AGAP1: variants seen among roughly 807,000 people sequenced by gnomAD.
AGAP1 encodes the protein arf-GAP with GTPase, ANK repeat and PH domain-containing protein 1.
AGAP1 carries 29 observed loss-of-function variants against 105.3 expected under a neutral mutation model. The ratio of observed to expected loss-of-function variants is 0.28; its 90% CI spans 0.21 to 0.38. The LOEUF (loss-of-function observed/expected upper bound fraction) is 0.38, where lower values mean the gene tolerates loss of function less well. Among genes scored for constraint, AGAP1 ranks in the 10% least tolerant of loss-of-function variants. The pLI is 1.00. For synonymous variants in AGAP1, 509 were observed against 485.9 expected, an observed-to-expected ratio of 1.05 and a Z score of -0.63; for missense variants, 998 against 1,165.1, an observed-to-expected ratio of 0.86 and a Z score of 2.09.
At position 235,908,662 on chromosome 2, in the gene AGAP1, T is replaced by G; in HGVS notation, c.1156-76T>G. 1.4e-6 allele frequency: 2 copies of G among 1,389,604 alleles called. No individual in the cohort carries two copies. The highest frequency in any genetic ancestry group is 2.0e-6 in the Non-Finnish European group (2 of 1,020,754). The allele number at this position is 1,389,604 out of a possible 1,614,324, so 86.1% of individuals were successfully genotyped here. A position where few individuals can be genotyped will look rare whatever the true frequency, so the allele number is the denominator to read the frequency against. On this transcript the variant is annotated intron_variant, in intron 10 of 17. Transcript: ENST00000304032. This position sits in a 1 kb window ranked among gnomAD's most constrained non-coding sequence, Gnocchi z 4.4. ...TAGGGTTTTAACTCATGACGTCTGA[T>G]AGACCCTTTTGTTCTAGGTTGTAAA... is the stretch of plus-strand genomic sequence containing the variant.
rs1299680338 is a variant in AGAP1 at position 235,799,370 on chromosome 2, A to G, written c.805A>G (p.Ser269Gly). 6.2e-7 allele frequency: 1 copy of G among 1,613,950 alleles called. No individual in the cohort carries two copies. Among genetic ancestry groups the G allele is most frequent in the Admixed American group, 1.7e-5 (1 of 59,996 alleles). ...CCTTGGATTTTAATCATTTCAGACA[A>G]GTAATGGAGGTGGGAGTTTAAGCGA... ...QVSAVHISQTSNGGGSLSDYS... is the reference protein window; with the variant it reads ...QVSAVHISQTGNGGGSLSDYS... The change falls in exon 8 of 18, where the codon AGT becomes GGT. Residue 269 changes from serine to glycine, a missense_variant. Ser to Gly is a moderately conservative substitution (Grantham distance 56). Coordinates refer to ENST00000304032, the MANE Select transcript of AGAP1 (RefSeq NM_001037131.3). This position sits in a 1 kb window ranked among gnomAD's most constrained non-coding sequence, Gnocchi z 5.0.
At chr2:235,956,666 C>A (rs929078528) in intron 12 of AGAP1, among the ~76,000 whole-genome samples, 6 of 152,194 alleles carry the variant, frequency 3.9e-5, no homozygotes, top group African/African-American at 1.4e-4. Context: ...GGCTGTCCCA[C>A]CTGTGGTCAG....
At chr2:235,718,497 A>G (rs1048393298) in intron 3 of AGAP1, 4 of 711,546 alleles carry the variant, frequency 5.6e-6, no homozygotes, top group Non-Finnish European at 6.9e-6. Flanking sequence ...TCTGTGTACC[A>G]TCCTGTTTTG....
At chr2:236,049,896 A>G (rs10194403) in intron 16 of AGAP1, 87,599 of 152,232 alleles carry the variant, frequency 0.58, 28,236 homozygotes, top group African/African-American at 0.88. Flanking sequence ...TTGAGTACAC[A>G]TGCATATTTA....
rs111472827 is a variant in AGAP1, at chr2:236,029,621, G to A, written c.1646-6940G>A. Among the ~76,000 whole-genome samples, 917 of 152,124 alleles carry A rather than the reference G, an allele frequency of 6.0e-3. 6 individuals are homozygous for A. The highest frequency in any genetic ancestry group is 0.01 in the Middle Eastern group (3 of 294). On this transcript the variant is annotated intron_variant, in intron 13 of 17. Transcript: ENST00000304032. ...TCATTTAGTAATTTCCCTAGTGGACGTCTATTGGTAATAAGCACTTTTGGG... is the reference window on the plus strand; with the variant it reads ...TCATTTAGTAATTTCCCTAGTGGACATCTATTGGTAATAAGCACTTTTGGG...
chr2:235,738,060 C>T (rs540196392), intron 3 of AGAP1, among the ~76,000 whole-genome samples: 32 of 151,892 alleles, frequency 2.1e-4, no homozygotes, highest in Non-Finnish European at 3.1e-4. Context: ...AGGGTCGGGA[C>T]GGTGTGGCGG....
At chr2:235,567,917 A>G (rs1944399103) in intron 1 of AGAP1, among the ~76,000 whole-genome samples, 1 of 152,172 alleles carries the variant, frequency 6.6e-6, no homozygotes, top group Admixed American at 6.5e-5. Context: ...AGGGCTGTGC[A>G]CTAGAGGATG....
chr2:235,827,071 T>G (rs1959111485), intron 9 of AGAP1, among the ~76,000 whole-genome samples: 1 of 152,192 alleles, frequency 6.6e-6, no homozygotes, highest in Non-Finnish European at 1.5e-5. Context: ...GGGTTTGTAG[T>G]GCGGCTTGTG....
In AGAP1 at chr2:235,801,732, A is replaced by AG. The variant is rs1957504983; in HGVS notation, c.957+2214dup. Among the ~76,000 whole-genome samples, 1 of 151,696 alleles carries AG rather than the reference A, an allele frequency of 6.6e-6. No individual in the cohort carries two copies. The highest frequency in any genetic ancestry group is 6.6e-5 in the Admixed American group (1 of 15,248). On this transcript the variant is annotated intron_variant, in intron 8 of 17. Transcript: ENST00000304032. The surrounding 1 kb of genome is among the most constrained non-coding windows in gnomAD (Gnocchi z 6.0). ...GGCAGGCGGCCTGTGCCCCGGGAGG[A>AG]GGGGCGGGCTTGTCATCGTGGTGGT... is the stretch of plus-strand genomic sequence containing the variant.
chr2:235,881,901 T>G (rs1444839901), intron 9 of AGAP1, among the ~76,000 whole-genome samples: 2 of 152,244 alleles, frequency 1.3e-5, no homozygotes, highest in Non-Finnish European at 2.9e-5. Context: ...ATGGGATTCA[T>G]CTATTAAATA....
In AGAP1 at chr2:235,717,563, G is replaced by A; in HGVS notation, c.229G>A (p.Val77Met). The change falls in exon 3 of 18, where the codon GTG (valine) becomes ATG (methionine). Residue 77 changes from valine (V) to methionine (M), a missense_variant. Val to Met is a conservative substitution (Grantham distance 21, BLOSUM62 1). This residue lies in a region of AGAP1 where 735 missense variants were observed against 833.4 expected (regional missense o/e 0.88). Coordinates refer to ENST00000304032, the MANE Select transcript of AGAP1 (RefSeq NM_001037131.3). ...TTGTCCGTTTCTGTTTCAGGGAATT[G>A]TGGGTAACTTGGCCAGCGGCAAGTC... Reference protein sequence around the residue: ...RSVPELKVGIVGNLASGKSAL... With the variant: ...RSVPELKVGIMGNLASGKSAL... 1 of 1,595,164 alleles carries A rather than the reference G, an allele frequency of 6.3e-7. No homozygotes were observed.
At chr2:235,816,306 C>T (rs1242847504) in intron 9 of AGAP1, among the ~76,000 whole-genome samples, 6 of 151,782 alleles carry the variant, frequency 4.0e-5, no homozygotes, top group African/African-American at 1.5e-4. Flanking sequence ...GGCGTGGTGG[C>T]GGGTGCCTGT....
chr2:235,527,915 A>G (rs554133062), intron 1 of AGAP1, among the ~76,000 whole-genome samples: 93 of 152,326 alleles, frequency 6.1e-4, no homozygotes, highest in African/African-American at 2.2e-3. Flanking sequence ...TAGCAATATC[A>G]TAAGTAGAGC....
chr2:236,119,597 C>A lies in AGAP1; in HGVS notation c.2115-595C>A, dbSNP rs1304598181. ...CTTCCCCCCACCCCCGGCCCAGCTC[C>A]AGCCAAGTGTCCTATAGCCCTCACT... On this transcript the variant is annotated intron_variant, in intron 16 of 17. Coordinates refer to ENST00000304032, the MANE Select transcript of AGAP1 (RefSeq NM_001037131.3). The surrounding 1 kb of genome is among the most constrained non-coding windows in gnomAD (Gnocchi z 6.6). Among the ~76,000 whole-genome samples the A allele has an allele frequency of 6.7e-6, 1 of 149,460 alleles. No homozygotes were observed. Among genetic ancestry groups the A allele is most frequent in the Non-Finnish European group, 1.5e-5 (1 of 67,322 alleles).
In AGAP1 at chr2:235,839,400, T is replaced by C. The variant is rs545839749; in HGVS notation, c.1050+32069T>C. ...CTGGGTGGGGCCCGGGCATCTATTC[T>C]CTAGTGTTTCCCATTTAAAGGTGTT... On this transcript the variant is annotated intron_variant, in intron 9 of 17. Transcript: ENST00000304032. 5.3e-5 allele frequency among the ~76,000 whole-genome samples: 8 copies of C among 152,288 alleles called. No homozygotes were observed. The East Asian group carries it at 1.5e-3, about 29-fold the overall frequency.
intron 1 of AGAP1, among the ~76,000 whole-genome samples, chr2:235,543,938 A>G (rs917252665): frequency 7.9e-5 from 12 of 152,068 alleles, no homozygotes; most frequent in Admixed American, 7.9e-4. Flanking sequence ...CTTGCGGCAG[A>G]TAGGAAGAGT....
chr2:236,107,544 G>T (rs1177731293), intron 16 of AGAP1, among the ~76,000 whole-genome samples: 3 of 152,208 alleles, frequency 2.0e-5, no homozygotes, highest in Admixed American at 2.0e-4. Context: ...GGCTGGTCAG[G>T]TACTCAACAG....
rs1956845531 is a variant in AGAP1, at chr2:235,789,453, T to G, written c.674-8306T>G. On this transcript the variant is annotated intron_variant, in intron 6 of 17. Coordinates refer to ENST00000304032, the MANE Select transcript of AGAP1 (RefSeq NM_001037131.3). This position sits in a 1 kb window ranked among gnomAD's most constrained non-coding sequence, Gnocchi z 4.2. Reference sequence around the variant, plus strand: ...TAGGTAATTGCGACATAAATGAAGATAAATTTGTTTTAATACAACGAGATA... The same window carrying G: ...TAGGTAATTGCGACATAAATGAAGAGAAATTTGTTTTAATACAACGAGATA... 6.6e-6 allele frequency among the ~76,000 whole-genome samples: 1 copy of G among 152,166 alleles called. No individual in the cohort carries two copies. The highest frequency in any genetic ancestry group is 2.1e-4 in the South Asian group (1 of 4,826).
chr2:235,598,435 A>G (rs1412779646), intron 1 of AGAP1, among the ~76,000 whole-genome samples: 1 of 152,194 alleles, frequency 6.6e-6, no homozygotes, highest in Non-Finnish European at 1.5e-5. Flanking sequence ...GACCAGAAAT[A>G]AGCCATAGGA....
Sources: allele counts gnomAD v4.1 joint callset (sites outside exome capture counted in the v4.1 genomes callset), GRCh38; gene constraint gnomAD v4.1.1; regional missense constraint gnomAD v4.1.1; non-coding constraint Gnocchi (gnomAD v3.1); transcripts MANE v1.5; gene names NCBI Gene and HGNC (gene_info 2026-07-23, HGNC 2026-07-21).